Variants in HNRNPR observed in about 807,000 individuals in gnomAD.
HNRNPR encodes heterogeneous nuclear ribonucleoprotein R.
Under a neutral mutation model 70.3 loss-of-function variants are expected in HNRNPR, and 4 were observed. The observed-to-expected ratio is 0.06, with a 90% CI of 0.03 to 0.13. The LOEUF (loss-of-function observed/expected upper bound fraction) is 0.13, where lower values mean the gene tolerates loss of function less well. Ranked by LOEUF, HNRNPR falls within the 10% of genes least tolerant of loss-of-function variation. The pLI, the probability that HNRNPR is intolerant of heterozygous loss-of-function variation, is 1.00. For synonymous variants in HNRNPR, 241 were observed against 267.6 expected, an observed-to-expected ratio of 0.90 and a Z score of 0.97; for missense variants, 423 against 788.5, an observed-to-expected ratio of 0.54 and a Z score of 5.55.
Position 23,317,327 on chromosome 1 carries a change from G to A in HNRNPR, c.1017+1156C>T, listed in dbSNP as rs569470320. 5.4e-4 allele frequency among the ~76,000 whole-genome samples: 82 copies of A among 152,142 alleles called. 1 individual carries two copies. The highest frequency in any genetic ancestry group is 1.9e-3 in the South Asian group (9 of 4,820). On this transcript the variant is annotated intron_variant, in intron 8 of 10. Coordinates refer to ENST00000302271, the MANE Select transcript of HNRNPR (RefSeq NM_005826.5). ...CAAAAAATTAGCCAGCTGTGGTGGCGGGCACCTGTAGTCCCAGCTACTTGG... is the reference window on the plus strand; with the variant it reads ...CAAAAAATTAGCCAGCTGTGGTGGCAGGCACCTGTAGTCCCAGCTACTTGG...
chr1:23,331,426 C>T, intron 5 of HNRNPR, among the ~76,000 whole-genome samples: 1 of 64,472 alleles, frequency 1.6e-5, no homozygotes, highest in East Asian at 4.3e-4. Context: ...AAAAAAATAG[C>T]TGGGCTTCAC....
chr1:23,335,040 C>T (rs1487359193), intron 4 of HNRNPR, among the ~76,000 whole-genome samples: 1 of 152,082 alleles, frequency 6.6e-6, no homozygotes, highest in Non-Finnish European at 1.5e-5. Context: ...GCCTCAGCCT[C>T]CCAAGTAGCT....
intron 4 of HNRNPR, 63 bp downstream of exon 4, chr1:23,337,691 A>C (rs1368656364): frequency 2.1e-6 from 2 of 957,654 alleles, no homozygotes; most frequent in East Asian, 2.4e-5. Flanking sequence ...GGAAACATGG[A>C]AAGAGGCATT....
chr1:23,336,331 C>A (rs913980997), intron 4 of HNRNPR, among the ~76,000 whole-genome samples: 7 of 147,554 alleles, frequency 4.7e-5, no homozygotes, highest in Admixed American at 2.0e-4. Flanking sequence ...TTTGGGAGGC[C>A]GAGGCGGGCG....
intron 8 of HNRNPR, among the ~76,000 whole-genome samples, chr1:23,316,363 TAG>T (rs1392121718): frequency 6.6e-6 from 1 of 152,150 alleles, no homozygotes; most frequent in Non-Finnish European, 1.5e-5. Context: ...CCTAAGTTTA[TAG>T]AGACCTCCTT....
chr1:23,317,374 C>T (rs1392395314), intron 8 of HNRNPR, among the ~76,000 whole-genome samples: 2 of 151,942 alleles, frequency 1.3e-5, no homozygotes, highest in Non-Finnish European at 2.9e-5. Flanking sequence ...AGGAGAATGG[C>T]GTGAACCCAG....
Position 23,321,622 on chromosome 1 carries a change from C to T in HNRNPR, c.717G>A (p.Val239=). 6.2e-7 allele frequency: 1 copy of T among 1,613,798 alleles called. No individual in the cohort carries two copies. Among genetic ancestry groups the T allele is most frequent in the Non-Finnish European group, 8.5e-7 (1 of 1,179,788 alleles). The change falls in exon 7 of 11, where the codon GTG becomes GTA. Residue 239 remains valine, a synonymous_variant. Transcript: ENST00000302271. The part of the protein sequence containing the change: ...YEIRPGKHLG[V]CISVANNRLF... ...GTCTGTTGTTTGCCACAGAAATGCACACTCCAAGGTGTTTACCAGGGCGAA... is the reference window on the plus strand; with the variant it reads ...GTCTGTTGTTTGCCACAGAAATGCATACTCCAAGGTGTTTACCAGGGCGAA...
At chr1:23,327,945 G>T (rs1646055951) in intron 5 of HNRNPR, among the ~76,000 whole-genome samples, 1 of 143,824 alleles carries the variant, frequency 7.0e-6, no homozygotes, top group South Asian at 2.2e-4. Context: ...ATCACTTGAG[G>T]CCAGCCAGGA....
At chr1:23,312,575 G>A (rs1352857663) in intron 9 of HNRNPR, among the ~76,000 whole-genome samples, 5 of 152,166 alleles carry the variant, frequency 3.3e-5, no homozygotes, top group African/African-American at 1.2e-4. Flanking sequence ...TTATTACTGA[G>A]TTTGTGATCT....
chr1:23,328,855 A>T (rs1346169975), intron 5 of HNRNPR, among the ~76,000 whole-genome samples: 2 of 152,184 alleles, frequency 1.3e-5, no homozygotes, highest in African/African-American at 4.8e-5. Context: ...ATGGTGACTC[A>T]CACTTGTAAA....
intron 5 of HNRNPR, among the ~76,000 whole-genome samples, chr1:23,326,187 G>A (rs982444347): frequency 5.3e-5 from 8 of 149,770 alleles, no homozygotes; most frequent in African/African-American, 1.2e-4. Flanking sequence ...TTTTGAACAC[G>A]CCATCCGTAC....
chr1:23,330,713 CAAT>C (rs1459829226), intron 5 of HNRNPR, among the ~76,000 whole-genome samples: 1 of 152,168 alleles, frequency 6.6e-6, no homozygotes, highest in Admixed American at 6.5e-5. Flanking sequence ...TACTTAGCAA[CAAT>C]GTCTGTTAAT....
rs1226573705 is a variant in HNRNPR at position 23,310,760 on chromosome 1, C to G, written c.1596G>C (p.Arg532Ser). Residue 532 changes from arginine (R) to serine (S), a missense_variant, in exon 11 of 11, where the codon AGG (arginine) becomes AGC (serine). Transcript: ENST00000302271. The surrounding 1 kb of genome is among the most constrained non-coding windows in gnomAD (Gnocchi z 6.0). ...CTCTTGGTGGTCCCAAAGGTGCCCC[C>G]CTCTGTGAATAGCCAGCTCTACCTC... Reference protein sequence around the residue: ...PPRGRAGYSQRGAPLGPPRGS... With the variant: ...PPRGRAGYSQSGAPLGPPRGS... 11 of 1,613,814 alleles carry G rather than the reference C, an allele frequency of 6.8e-6. No individual in the cohort carries two copies. Among genetic ancestry groups the G allele is most frequent in the Non-Finnish European group, 9.3e-6 (11 of 1,179,860 alleles).
At chr1:23,323,500 TAAAG>T in intron 6 of HNRNPR, 52 bp downstream of exon 6, 1 of 1,469,200 alleles carries the variant, frequency 6.8e-7, no homozygotes. Context: ...ATTTTTGAAT[TAAAG>T]TTTATTTCCT....
chr1:23,335,489 G>A (rs1030107584), intron 4 of HNRNPR, among the ~76,000 whole-genome samples: 1 of 152,218 alleles, frequency 6.6e-6, no homozygotes, highest in African/African-American at 2.4e-5. Context: ...ATTTACAGCC[G>A]CTCCTCATCC....
Position 23,342,300 on chromosome 1 carries a change from G to T in HNRNPR, c.-9-1283C>A, listed in dbSNP as rs186516178. On this transcript the variant is annotated intron_variant, in intron 1 of 10. Coordinates refer to ENST00000302271, the MANE Select transcript of HNRNPR (RefSeq NM_005826.5). ...CCACTGATACTTAGTTGAAGTTAACGAAAGAGGGAGGAAGACCAAGAGGGG... is the reference window on the plus strand; with the variant it reads ...CCACTGATACTTAGTTGAAGTTAACTAAAGAGGGAGGAAGACCAAGAGGGG... 4.1e-3 allele frequency among the ~76,000 whole-genome samples: 620 copies of T among 152,284 alleles called. 2 individuals are homozygous for T. Among genetic ancestry groups the T allele is most frequent in the Non-Finnish European group, 6.3e-3 (430 of 68,010 alleles).
At chr1:23,313,503 T>C (rs2148323380) in intron 9 of HNRNPR, 50 bp downstream of exon 9, 1 of 1,278,730 alleles carries the variant, frequency 7.8e-7, no homozygotes, top group Non-Finnish European at 1.1e-6. Context: ...GTTTGGCAAG[T>C]TTCAAAAACA....
chr1:23,310,607 G>T lies in HNRNPR; in HGVS notation c.1749C>A (p.Ser583=), dbSNP rs1366165142. The change falls in exon 11 of 11, where the codon TCC becomes TCA. Residue 583 remains serine, a synonymous_variant. Transcript: ENST00000302271. This position sits in a 1 kb window ranked among gnomAD's most constrained non-coding sequence, Gnocchi z 6.0. ...RKADGYNQPD[S]KRRQTNNQQN... is the part of the protein sequence containing the mutation. ...GTTGGTTGTTGGTCTGACGACGCTT[G>T]GAATCAGGCTGGTTGTACCCATCTG... 1.2e-6 allele frequency: 2 copies of T among 1,614,158 alleles called. No individual in the cohort carries two copies. Among genetic ancestry groups the T allele is most frequent in the Non-Finnish European group, 1.7e-6 (2 of 1,180,012 alleles).
chr1:23,325,412 C>T (rs1306179839), intron 5 of HNRNPR, among the ~76,000 whole-genome samples: 1 of 152,200 alleles, frequency 6.6e-6, no homozygotes, highest in East Asian at 1.9e-4. Flanking sequence ...ATAATCAAGA[C>T]TCACTTTCAC....
Sources: gnomAD v4.1 joint callset for allele counts (sites outside exome capture counted in the v4.1 genomes callset) on GRCh38, gnomAD v4.1.1 for gene constraint, Gnocchi (gnomAD v3.1) non-coding constraint, MANE v1.5 for transcripts, NCBI Gene and HGNC (gene_info 2026-07-23, HGNC 2026-07-21) for gene names.